The following AXDND1 variants were observed in gnomAD, a reference collection of about 807,000 sequenced individuals.
The protein encoded by AXDND1 is axonemal dynein light chain domain-containing protein 1.
Under a neutral mutation model 137.5 loss-of-function variants are expected in AXDND1, and 110 were observed. The observed-to-expected ratio is 0.80, with a 90% CI of 0.69 to 0.94. The LOEUF is 0.94. Ranked by LOEUF, AXDND1 falls within the 40% of genes least tolerant of loss-of-function variation. The pLI is 0.00. For missense variants in AXDND1, 1,191 were observed against 1,169.8 expected (o/e 1.02, Z -0.26); for synonymous variants, 414 against 399.7 (o/e 1.04, Z -0.43).
At chr1:179,429,460 A>G in intron 12 of AXDND1, 58 bp from the exon 13 acceptor site, 1 of 878,344 alleles carries the variant, frequency 1.1e-6, no homozygotes, top group East Asian at 2.9e-5. Flanking sequence ...TCACTGTAAT[A>G]AATTATAGTG....
intron 17 of AXDND1, among the ~76,000 whole-genome samples, chr1:179,476,963 C>G (rs1021034856): frequency 3.3e-5 from 5 of 152,054 alleles, no homozygotes; most frequent in African/African-American, 4.8e-5. Context: ...TTCTCTACTT[C>G]CAATACTCCC....
chr1:179,443,329 C>G (rs1274299394), intron 15 of AXDND1, among the ~76,000 whole-genome samples: 1 of 152,146 alleles, frequency 6.6e-6, no homozygotes, highest in Non-Finnish European at 1.5e-5. Context: ...TTGTGCCTAT[C>G]CTATATCTGG....
Position 179,491,534 on chromosome 1 carries a change from A to G in AXDND1, c.2092-4A>G. ...TCATTTGTATTATACTCATTTTTTA[A>G]CAGATGGATGAGTTACATATATCTA... On this transcript the variant is annotated splice_polypyrimidine_tract_variant and splice_region_variant and intron_variant, in intron 18 of 25. Coordinates refer to ENST00000367618, the MANE Select transcript of AXDND1 (RefSeq NM_144696.6). The G allele has an allele frequency of 6.4e-7, 1 of 1,574,462 alleles. No homozygotes were observed. The highest frequency in any genetic ancestry group is 8.7e-7 in the Non-Finnish European group (1 of 1,150,374).
At chr1:179,366,301 A>C (rs1667388988) in intron 1 of AXDND1, 103 bp from the exon 2 acceptor site, 1 of 444,372 alleles carries the variant, frequency 2.3e-6, no homozygotes, top group South Asian at 2.5e-5. Context: ...GCCCCGAAGA[A>C]GGAGAACCAT....
chr1:179,473,594 G>GGTATAATTTTAT (rs1448770596), intron 17 of AXDND1, among the ~76,000 whole-genome samples: 1 of 152,080 alleles, frequency 6.6e-6, no homozygotes, highest in African/African-American at 2.4e-5. Flanking sequence ...CACCTTTTGT[G>GGTATAATTTTAT]GTATAATTTT....
chr1:179,477,234 G>GC (rs1205158231), intron 17 of AXDND1, among the ~76,000 whole-genome samples: 24 of 151,620 alleles, frequency 1.6e-4, no homozygotes, highest in African/African-American at 4.8e-4. Flanking sequence ...CTTATTTGCT[G>GC]CAACATTGTT....
At chr1:179,452,728 A>C (rs1209594450) in intron 16 of AXDND1, 3 of 149,952 alleles carry the variant, frequency 2.0e-5, no homozygotes, top group Non-Finnish European at 4.4e-5. Context: ...AAAAGAAAAG[A>C]AAATCCCATT....
chr1:179,526,592 C>G (rs994499560), intron 22 of AXDND1, among the ~76,000 whole-genome samples: 1 of 152,178 alleles, frequency 6.6e-6, no homozygotes, highest in African/African-American at 2.4e-5. Flanking sequence ...TGATATATTT[C>G]TTCTCTGTAT....
intron 20 of AXDND1, among the ~76,000 whole-genome samples, chr1:179,498,243 C>T (rs1667650339): frequency 6.6e-6 from 1 of 152,002 alleles, no homozygotes; most frequent in African/African-American, 2.4e-5. Context: ...CATCACACTA[C>T]CTTACTTCAA....
chr1:179,463,566 G>A (rs953979396), intron 16 of AXDND1, among the ~76,000 whole-genome samples: 5 of 152,214 alleles, frequency 3.3e-5, no homozygotes, highest in African/African-American at 7.2e-5. Context: ...GAATAAGTGC[G>A]ATGTGATGCT....
intron 25 of AXDND1, among the ~76,000 whole-genome samples, chr1:179,546,475 C>T (rs1672655783): frequency 6.6e-6 from 1 of 151,676 alleles, no homozygotes; most frequent in Admixed American, 6.6e-5. Flanking sequence ...AGTGGTCTCC[C>T]AAGCAGAGTG....
intron 25 of AXDND1, chr1:179,552,460 G>T: frequency 2.8e-6 from 2 of 708,958 alleles, no homozygotes; most frequent in Non-Finnish European, 5.1e-6. Flanking sequence ...CACTTTAAGA[G>T]AGCAATTTTA....
chr1:179,422,254 T>G (rs373297553), intron 12 of AXDND1, among the ~76,000 whole-genome samples: 97,218 of 151,462 alleles, frequency 0.64, 31,568 homozygotes, highest in Middle Eastern at 0.7. Context: ...ATCAAATATA[T>G]AATTTATAAC....
chr1:179,383,722 ATAGGGT>A (rs1296092363), intron 8 of AXDND1, among the ~76,000 whole-genome samples, 178 bp downstream of exon 8: 1 of 152,164 alleles, frequency 6.6e-6, no homozygotes, highest in African/African-American at 2.4e-5. Context: ...CACCTACCTC[ATAGGGT>A]TTTTGTGGAG....
intron 16 of AXDND1, chr1:179,457,161 A>G (rs1661523893): frequency 1.2e-6 from 1 of 806,932 alleles, no homozygotes; most frequent in Non-Finnish European, 2.2e-6. Flanking sequence ...TGTGAGACAA[A>G]CCCAAAGCCC....
intron 17 of AXDND1, among the ~76,000 whole-genome samples, chr1:179,475,792 G>T (rs1664538046): frequency 6.6e-6 from 1 of 152,136 alleles, no homozygotes; most frequent in South Asian, 2.1e-4. Flanking sequence ...TTTGGAAAGG[G>T]CCAGGGGCAG....
At position 179,486,139 on chromosome 1, in the gene AXDND1, A is replaced by AAAAAAAAAAAAAACAAAAAACT. The variant is rs149119239; in HGVS notation, c.2091+2920_2091+2921insAAAAAAAAAAACAAAAAACTAA. ...TGTCTCAAAAAAAAAAAAAAAAAAA[A>AAAAAAAAAAAAAACAAAAAACT]AACCTGATAGAAATGAAAAACACAC... On this transcript the variant is annotated intron_variant, in intron 18 of 25. Transcript: ENST00000367618. Among the ~76,000 whole-genome samples, 83 of 87,776 alleles carry AAAAAAAAAAAAAACAAAAAACT rather than the reference A, an allele frequency of 9.5e-4. 5 individuals carry two copies. The highest frequency in any genetic ancestry group is 5.9e-3 in the East Asian group (10 of 1,706). The allele number at this position is 87,776 out of a possible 152,430, so 57.6% of individuals were successfully genotyped here. A position where few individuals can be genotyped will look rare whatever the true frequency, so the allele number is the denominator to read the frequency against.
chr1:179,368,237 A>G (rs1667665658), intron 2 of AXDND1, among the ~76,000 whole-genome samples: 5 of 152,066 alleles, frequency 3.3e-5, no homozygotes, highest in Admixed American at 3.3e-4. Flanking sequence ...CACTCTTTTT[A>G]CAGTTCCCAT....
rs192617613 is a variant in AXDND1, at chr1:179,389,656, T to C, written c.864-4247T>C. Among the ~76,000 whole-genome samples, 291 of 152,278 alleles carry C rather than the reference T, an allele frequency of 1.9e-3. 2 individuals are homozygous for C. The highest frequency in any genetic ancestry group is 6.9e-3 in the African/African-American group (288 of 41,566). On this transcript the variant is annotated intron_variant, in intron 9 of 25. Transcript: ENST00000367618. ...TACAACTCCCACTCCATTTCTAACT[T>C]ACTATTTTTTGTTTGTTCTTATTGT...
Sources: allele counts gnomAD v4.1 joint callset (sites outside exome capture counted in the v4.1 genomes callset), GRCh38; gene constraint gnomAD v4.1.1; transcripts MANE v1.5; gene names NCBI Gene and HGNC (gene_info 2026-07-23, HGNC 2026-07-21).